SLC24A4: variants seen among roughly 807,000 people sequenced by gnomAD.
SLC24A4 encodes sodium/potassium/calcium exchanger 4.
Under a neutral mutation model 79.0 loss-of-function variants are expected in SLC24A4, and 53 were observed. The observed-to-expected ratio is 0.67, with a 90% confidence interval of 0.54 to 0.84. The LOEUF (loss-of-function observed/expected upper bound fraction) is 0.84, where lower values mean the gene tolerates loss of function less well. Among genes scored for constraint, SLC24A4 ranks in the 40% least tolerant of loss-of-function variants. SLC24A4 has a pLI of 0.00. For synonymous variants in SLC24A4, 323 were observed against 323.8 expected (o/e 1.00, Z 0.03); for missense variants, 731 against 822.0 (o/e 0.89, Z 1.35).
intron 13 of SLC24A4, 99 bp downstream of exon 13, chr14:92,482,945 G>A: frequency 8.2e-7 from 1 of 1,226,174 alleles, no homozygotes. Flanking sequence ...CCACCTTTGG[G>A]CGAGTCACTG....
At chr14:92,438,947 T>C (rs1319065512) in intron 3 of SLC24A4, among the ~76,000 whole-genome samples, 3 of 152,124 alleles carry the variant, frequency 2.0e-5, no homozygotes, top group African/African-American at 4.8e-5. Flanking sequence ...GCTACCGAGG[T>C]GCCCCCAGCC....
intron 2 of SLC24A4, among the ~76,000 whole-genome samples, chr14:92,348,970 A>C (rs1372715132): frequency 6.6e-6 from 1 of 152,068 alleles, no homozygotes; most frequent in East Asian, 1.9e-4. Context: ...TGTAATCTGG[A>C]GTTACCAGCT....
chr14:92,441,555 T>G lies in SLC24A4; in HGVS notation c.394-534T>G, dbSNP rs1338197741. 6.6e-6 allele frequency among the ~76,000 whole-genome samples: 1 copy of G among 152,160 alleles called. No individual in the cohort carries two copies. The highest frequency in any genetic ancestry group is 2.4e-5 in the African/African-American group (1 of 41,428). Reference sequence around the variant, plus strand: ...CTGACATTCTCATTGAGGCCCCCAGTACCCAAAACCGGCATGGGAGGGGAT... The same window carrying G: ...CTGACATTCTCATTGAGGCCCCCAGGACCCAAAACCGGCATGGGAGGGGAT... On this transcript the variant is annotated intron_variant, in intron 4 of 16. Coordinates refer to ENST00000532405, the MANE Select transcript of SLC24A4 (RefSeq NM_153646.4). The surrounding 1 kb of genome is among the most constrained non-coding windows in gnomAD (Gnocchi z 4.6).
At chr14:92,483,912 A>T (rs957312274) in intron 13 of SLC24A4, 19 of 1,277,254 alleles carry the variant, frequency 1.5e-5, no homozygotes, top group Non-Finnish European at 1.9e-5. Flanking sequence ...TAAACGTTCC[A>T]TGCTGGCCCA....
In SLC24A4 at chr14:92,326,443, G is replaced by A. The variant is rs759452733; in HGVS notation, c.241+465G>A. 5.0e-4 allele frequency among the ~76,000 whole-genome samples: 76 copies of A among 151,864 alleles called. 1 individual carries two copies. Among genetic ancestry groups the A allele is most frequent in the Middle Eastern group, 6.8e-3 (2 of 294 alleles). The stretch of plus-strand genomic sequence containing the variant: ...GGGGTGGGACACTCTGGGGTGCTGC[G>A]GCTGTTTCTCTCAAATGGGAGTCGG... On this transcript the variant is annotated intron_variant, in intron 2 of 16. Coordinates refer to ENST00000532405, the MANE Select transcript of SLC24A4 (RefSeq NM_153646.4).
At chr14:92,374,194 G>A (rs1888368165) in intron 2 of SLC24A4, among the ~76,000 whole-genome samples, 1 of 152,192 alleles carries the variant, frequency 6.6e-6, no homozygotes. Context: ...GAATGATTTT[G>A]GCACTGCATG....
At position 92,323,256 on chromosome 14, in the gene SLC24A4, AGGGTCTCAG is replaced by A. The variant is rs1415262460; in HGVS notation, c.-573_-565del. The stretch of plus-strand genomic sequence containing the variant: ...GCCGACGTCGAGCCTGCTCGCCGCG[AGGGTCTCAG>A]GTACCGCGCGTCCAGCCAGCCTTCC... On this transcript the variant is annotated 5_prime_UTR_variant, in exon 1 of 17. Coordinates refer to ENST00000532405, the MANE Select transcript of SLC24A4 (RefSeq NM_153646.4). This position sits in a 1 kb window ranked among gnomAD's most constrained non-coding sequence, Gnocchi z 4.9. 2 of 151,992 alleles carry A rather than the reference AGGGTCTCAG, an allele frequency of 1.3e-5. No homozygotes were observed. The highest frequency in any genetic ancestry group is 4.8e-5 in the African/African-American group (2 of 41,392). 9.4% of individuals were successfully genotyped at this position (151,992 alleles called of 1,614,324 possible).
chr14:92,415,402 A>G (rs775349981), intron 2 of SLC24A4, among the ~76,000 whole-genome samples: 1 of 152,244 alleles, frequency 6.6e-6, no homozygotes, highest in African/African-American at 2.4e-5. Flanking sequence ...ATGGTGGGAA[A>G]TGCACCAGGA....
chr14:92,413,095 A>T (rs926577284), intron 2 of SLC24A4, among the ~76,000 whole-genome samples: 3 of 152,178 alleles, frequency 2.0e-5, no homozygotes, highest in African/African-American at 4.8e-5. Context: ...CAAAGCCTGA[A>T]ATATTTACTG....
chr14:92,438,896 A>T (rs1892332492), intron 3 of SLC24A4, among the ~76,000 whole-genome samples: 1 of 152,066 alleles, frequency 6.6e-6, no homozygotes, highest in Non-Finnish European at 1.5e-5. Flanking sequence ...CAACCCGCTC[A>T]TCCTGCCTTG....
chr14:92,324,660 A>C (rs79921287), intron 1 of SLC24A4, among the ~76,000 whole-genome samples: 6,994 of 152,330 alleles, frequency 0.046, 232 homozygotes, highest in Non-Finnish European at 0.065. Context: ...ATGTGACCCC[A>C]TGTGTAACCT....
chr14:92,369,710 A>C (rs911259735), intron 2 of SLC24A4, among the ~76,000 whole-genome samples: 1 of 152,210 alleles, frequency 6.6e-6, no homozygotes, highest in Non-Finnish European at 1.5e-5. Context: ...AGGCTGGGTC[A>C]TTCTTCATGG....
intron 2 of SLC24A4, among the ~76,000 whole-genome samples, chr14:92,394,877 T>C (rs1889679824): frequency 6.6e-6 from 1 of 152,184 alleles, no homozygotes; most frequent in African/African-American, 2.4e-5. Context: ...AAGTAAATGA[T>C]ATTTAATCAG....
chr14:92,448,345 T>TACACACACAC (rs71877757), intron 9 of SLC24A4, among the ~76,000 whole-genome samples: 23,222 of 131,912 alleles, frequency 0.18, 2,473 homozygotes, highest in Non-Finnish European at 0.23. Context: ...TCCCACTACA[T>TACACACACAC]ACACACACAC....
At chr14:92,408,702 C>T (rs1890540807) in intron 2 of SLC24A4, among the ~76,000 whole-genome samples, 1 of 152,114 alleles carries the variant, frequency 6.6e-6, no homozygotes. Context: ...TAATGACTTA[C>T]AAATGTGGAT....
At chr14:92,335,928 G>A (rs985718642) in intron 2 of SLC24A4, among the ~76,000 whole-genome samples, 1 of 152,192 alleles carries the variant, frequency 6.6e-6, no homozygotes, top group African/African-American at 2.4e-5. Flanking sequence ...CTGTCCACGG[G>A]AGCAGCAAAC....
At chr14:92,389,100 C>A (rs953569485) in intron 2 of SLC24A4, among the ~76,000 whole-genome samples, 1 of 152,152 alleles carries the variant, frequency 6.6e-6, no homozygotes, top group Admixed American at 6.5e-5. Flanking sequence ...GAGGATGAAC[C>A]CCATCAGCCT....
At chr14:92,375,263 T>C (rs937964596) in intron 2 of SLC24A4, among the ~76,000 whole-genome samples, 1 of 152,198 alleles carries the variant, frequency 6.6e-6, no homozygotes, top group Admixed American at 6.5e-5. Context: ...TCCACTAGAA[T>C]GGCCTTGACT....
chr14:92,434,995 A>G (rs1182809023), intron 3 of SLC24A4, among the ~76,000 whole-genome samples: 1 of 152,122 alleles, frequency 6.6e-6, no homozygotes, highest in Non-Finnish European at 1.5e-5. Flanking sequence ...GCTGGTCTCG[A>G]ACTCCTGACC....
Sources: allele counts gnomAD v4.1 joint callset (sites outside exome capture counted in the v4.1 genomes callset), GRCh38; gene constraint gnomAD v4.1.1; non-coding constraint Gnocchi (gnomAD v3.1); transcripts MANE v1.5; gene names NCBI Gene and HGNC (gene_info 2026-07-23, HGNC 2026-07-21).